Variants in DPYD observed in about 807,000 individuals in gnomAD.
DPYD encodes the protein dihydropyrimidine dehydrogenase [NADP(+)].
Under a neutral mutation model 116.2 loss-of-function variants are expected in DPYD, and 109 were observed. The observed-to-expected ratio is 0.94, with a 90% CI of 0.80 to 1.10. The LOEUF is 1.10. Ranked by LOEUF, DPYD falls within the 50% of genes least tolerant of loss-of-function variation. The pLI, the probability that DPYD is intolerant of heterozygous loss-of-function variation, is 0.00. For synonymous variants in DPYD, 440 were observed against 432.0 expected, an observed-to-expected ratio of 1.02 and a Z score of -0.23; for missense variants, 1,302 against 1,254.5, an observed-to-expected ratio of 1.04 and a Z score of -0.57.
At chr1:97,801,501 ATATAG>A (rs1667843406) in intron 3 of DPYD, among the ~76,000 whole-genome samples, 1 of 151,946 alleles carries the variant, frequency 6.6e-6, no homozygotes, top group Non-Finnish European at 1.5e-5. Flanking sequence ...AATGTAAGAT[ATATAG>A]TATATTAGAT....
intron 3 of DPYD, among the ~76,000 whole-genome samples, chr1:97,809,155 TA>T (rs1668229454): frequency 6.6e-6 from 1 of 152,148 alleles, no homozygotes; most frequent in South Asian, 2.1e-4. Flanking sequence ...TTGACCAAAT[TA>T]AAAGATCACT....
At chr1:97,488,070 T>C in intron 13 of DPYD, among the ~76,000 whole-genome samples, 1 of 151,888 alleles carries the variant, frequency 6.6e-6, no homozygotes, top group South Asian at 2.1e-4. Flanking sequence ...GTTATATACA[T>C]AGCATGGAAT....
chr1:97,774,522 C>T (rs1432549625), intron 3 of DPYD: 1 of 152,278 alleles, frequency 6.6e-6, no homozygotes, highest in Non-Finnish European at 1.5e-5. Context: ...GGTACACCGA[C>T]TCAGCCTCTA....
intron 2 of DPYD, among the ~76,000 whole-genome samples, chr1:97,836,455 C>T (rs569561433): frequency 6.6e-6 from 1 of 152,010 alleles, no homozygotes; most frequent in Non-Finnish European, 1.5e-5. Flanking sequence ...TAATGCAGTG[C>T]ATGATGTACT....
intron 16 of DPYD, among the ~76,000 whole-genome samples, chr1:97,338,160 C>G (rs2101206606): frequency 6.6e-6 from 1 of 152,218 alleles, no homozygotes; most frequent in Middle Eastern, 3.4e-3. Flanking sequence ...GCTATTTTTA[C>G]TGAGACATTG....
chr1:97,445,389 T>C (rs1174234333), intron 14 of DPYD, among the ~76,000 whole-genome samples: 1 of 152,202 alleles, frequency 6.6e-6, no homozygotes, highest in East Asian at 1.9e-4. Flanking sequence ...AACATGCATG[T>C]TTGTTCAGCA....
intron 20 of DPYD, among the ~76,000 whole-genome samples, chr1:97,176,899 G>T (rs1337893599): frequency 2.9e-5 from 1 of 34,536 alleles, no homozygotes; most frequent in Non-Finnish European, 5.6e-5. Flanking sequence ...TGTGTGTGTA[G>T]GGGGGGTGTC....
intron 20 of DPYD, among the ~76,000 whole-genome samples, chr1:97,140,281 A>G (rs1218448090): frequency 6.6e-6 from 1 of 152,100 alleles, no homozygotes. Context: ...TTATGATGAC[A>G]GAGACAGGAG....
At chr1:97,695,073 A>T (rs1571204366) in intron 6 of DPYD, among the ~76,000 whole-genome samples, 1 of 152,308 alleles carries the variant, frequency 6.6e-6, no homozygotes, top group East Asian at 1.9e-4. Flanking sequence ...CCCATAGGCG[A>T]CATATGCCTC....
chr1:97,424,489 C>G (rs757685450), intron 14 of DPYD, among the ~76,000 whole-genome samples: 2 of 152,010 alleles, frequency 1.3e-5, no homozygotes, highest in Admixed American at 6.6e-5. Context: ...AAAGAAGCAT[C>G]CTTTACTCCC....
At chr1:97,458,264 C>T (rs898266607) in intron 13 of DPYD, among the ~76,000 whole-genome samples, 2 of 151,860 alleles carry the variant, frequency 1.3e-5, no homozygotes, top group African/African-American at 4.8e-5. Context: ...ACTCTACAGT[C>T]GACTGCAAAT....
intron 5 of DPYD, among the ~76,000 whole-genome samples, chr1:97,714,378 A>G (rs1242550171): frequency 6.6e-6 from 1 of 151,824 alleles, no homozygotes; most frequent in East Asian, 1.9e-4. Flanking sequence ...ACAGCTGGCT[A>G]ATTTTTTTTA....
At chr1:97,180,000 C>A (rs1332264706) in intron 20 of DPYD, among the ~76,000 whole-genome samples, 1 of 152,004 alleles carries the variant, frequency 6.6e-6, no homozygotes, top group African/African-American at 2.4e-5. Flanking sequence ...TTATTCAGGG[C>A]AACTGAAGAT....
At chr1:97,626,802 G>C (rs1168419605) in intron 8 of DPYD, among the ~76,000 whole-genome samples, 1 of 152,062 alleles carries the variant, frequency 6.6e-6, no homozygotes, top group African/African-American at 2.4e-5. Context: ...TATTTTCTCA[G>C]TGACTTAAAT....
chr1:97,090,318 C>A (rs1172933876), intron 21 of DPYD, among the ~76,000 whole-genome samples: 2 of 152,096 alleles, frequency 1.3e-5, no homozygotes, highest in African/African-American at 4.8e-5. Flanking sequence ...TTTAGAGCTA[C>A]CCTTTGGAAT....
intron 20 of DPYD, among the ~76,000 whole-genome samples, chr1:97,163,476 TTGTGC>T (rs976850608): frequency 6.6e-6 from 1 of 152,168 alleles, no homozygotes; most frequent in African/African-American, 2.4e-5. Context: ...CTTAGTCCAT[TTGTGC>T]TGCTATAAAA....
intron 12 of DPYD, among the ~76,000 whole-genome samples, chr1:97,548,830 T>C (rs1296414294): frequency 2.0e-5 from 3 of 152,252 alleles, no homozygotes; most frequent in East Asian, 1.9e-4. Context: ...CTTAGGTGCA[T>C]AGAATTTGGA....
intron 8 of DPYD, among the ~76,000 whole-genome samples, chr1:97,677,630 T>C (rs1195477951): frequency 6.6e-5 from 10 of 152,162 alleles, no homozygotes; most frequent in Admixed American, 5.2e-4. Context: ...ACAATAAATA[T>C]AATATTGTAA....
intron 20 of DPYD, among the ~76,000 whole-genome samples, chr1:97,164,944 G>A (rs532773082): frequency 9.9e-5 from 15 of 151,476 alleles, no homozygotes; most frequent in African/African-American, 2.9e-4. Context: ...TGCTGACCTC[G>A]TGATCCACCT....
Sources: gnomAD v4.1 joint callset for allele counts (sites outside exome capture counted in the v4.1 genomes callset) on GRCh38, gnomAD v4.1.1 for gene constraint, MANE v1.5 for transcripts, NCBI Gene and HGNC (gene_info 2026-07-23, HGNC 2026-07-21) for gene names.